The following GAS2 variants were observed in gnomAD, a reference collection of about 807,000 sequenced individuals.
The protein encoded by GAS2 is growth arrest-specific protein 2.
GAS2 carries 20 observed loss-of-function variants against 37.5 expected under a neutral mutation model. The observed-to-expected ratio is 0.53, with a 90% CI of 0.37 to 0.77. GAS2 has a LOEUF of 0.77. GAS2 is among the 30% of genes least tolerant of loss of function. GAS2 has a pLI of 0.00. For missense variants in GAS2, 336 were observed against 373.4 expected, an observed-to-expected ratio of 0.90 and a Z score of 0.82; for synonymous variants, 144 against 132.2, an observed-to-expected ratio of 1.09 and a Z score of -0.61.
chr11:22,685,143 G>T (rs553368145), intron 2 of GAS2, among the ~76,000 whole-genome samples: 3 of 146,656 alleles, frequency 2.0e-5, no homozygotes, highest in Non-Finnish European at 4.4e-5. Context: ...TCCAGATTGC[G>T]TGACAGAGTA....
intron 3 of GAS2, among the ~76,000 whole-genome samples, chr11:22,689,466 A>G (rs1198522281): frequency 6.6e-6 from 1 of 152,184 alleles, no homozygotes; most frequent in African/African-American, 2.4e-5. Flanking sequence ...CTTGTGCCTT[A>G]CTGTATGAAA....
chr11:22,811,298 A>G (rs1359064987), intron 7 of GAS2, among the ~76,000 whole-genome samples: 1 of 152,210 alleles, frequency 6.6e-6, no homozygotes, highest in East Asian at 1.9e-4. Flanking sequence ...ATGACTGGGG[A>G]AAACTCCAAT....
At chr11:22,674,645 A>T in intron 1 of GAS2, 2 of 345,766 alleles carry the variant, frequency 5.8e-6, no homozygotes, top group Non-Finnish European at 1.0e-5. Context: ...TTGACCTTTG[A>T]TTGCTGCTGT....
intron 7 of GAS2, among the ~76,000 whole-genome samples, chr11:22,768,921 G>T (rs1030656917): frequency 6.6e-6 from 1 of 152,146 alleles, no homozygotes; most frequent in Non-Finnish European, 1.5e-5. Flanking sequence ...ACCATGACAT[G>T]CAGACAAAGT....
chr11:22,652,249 G>T (rs958944817), intron 1 of GAS2, among the ~76,000 whole-genome samples: 1 of 152,312 alleles, frequency 6.6e-6, no homozygotes, highest in African/African-American at 2.4e-5. Context: ...AGGGGGTCAG[G>T]GACCCACTTG....
At chr11:22,689,367 G>A (rs1373172402) in intron 3 of GAS2, among the ~76,000 whole-genome samples, 1 of 152,110 alleles carries the variant, frequency 6.6e-6, no homozygotes, top group Non-Finnish European at 1.5e-5. Flanking sequence ...TGACACAGTT[G>A]CTCTTGACTG....
At chr11:22,760,848 A>C (rs995649939) in intron 7 of GAS2, among the ~76,000 whole-genome samples, 9 of 152,210 alleles carry the variant, frequency 5.9e-5, no homozygotes, top group African/African-American at 2.4e-5. Context: ...AAACAGATAC[A>C]GTTAAAAATT....
intron 7 of GAS2, among the ~76,000 whole-genome samples, chr11:22,778,327 T>A (rs1164797795): frequency 6.6e-6 from 1 of 152,130 alleles, no homozygotes; most frequent in Non-Finnish European, 1.5e-5. Flanking sequence ...GGGAATAGGG[T>A]GGTGAATGAG....
upstream of GAS2, among the ~76,000 whole-genome samples, chr11:22,666,048 A>T (rs917554127): frequency 6.6e-6 from 1 of 152,276 alleles, no homozygotes; most frequent in East Asian, 1.9e-4. Flanking sequence ...GTCCCCGCGC[A>T]TTAGAGGTGA....
At chr11:22,651,623 T>C (rs1848776867) in intron 1 of GAS2, among the ~76,000 whole-genome samples, 2 of 152,168 alleles carry the variant, frequency 1.3e-5, no homozygotes, top group Non-Finnish European at 2.9e-5. Context: ...CATTTCTTTT[T>C]ATTCTTTTTT....
intron 1 of GAS2, among the ~76,000 whole-genome samples, chr11:22,643,125 GC>G (rs1424100495): frequency 1.5e-4 from 23 of 151,788 alleles, no homozygotes; most frequent in African/African-American, 5.3e-4. Flanking sequence ...AGTATAAAAA[GC>G]CTCCAGCTTT....
intron 1 of GAS2, among the ~76,000 whole-genome samples, chr11:22,649,469 T>C (rs890079068): frequency 6.6e-6 from 1 of 152,240 alleles, no homozygotes; most frequent in African/African-American, 2.4e-5. Context: ...TTTCTATTGA[T>C]TGGAATAGTT....
intron 1 of GAS2, among the ~76,000 whole-genome samples, chr11:22,637,052 A>G (rs1235926640): frequency 7.5e-6 from 1 of 134,114 alleles, no homozygotes; most frequent in Non-Finnish European, 1.5e-5. Flanking sequence ...TATAATTGAT[A>G]TAATATTATT....
chr11:22,683,453 G>A (rs1486812075), intron 2 of GAS2, among the ~76,000 whole-genome samples: 2 of 151,926 alleles, frequency 1.3e-5, no homozygotes, highest in South Asian at 2.1e-4. Context: ...TTTAGTAGAG[G>A]CAGGGTTTCA....
intron 7 of GAS2, among the ~76,000 whole-genome samples, chr11:22,756,978 T>C (rs1400579371): frequency 6.6e-6 from 1 of 152,130 alleles, no homozygotes; most frequent in Non-Finnish European, 1.5e-5. Context: ...ATAATAGTGA[T>C]CTAGAATCTC....
intron 2 of GAS2, among the ~76,000 whole-genome samples, chr11:22,678,185 T>G (rs575482990): frequency 7.9e-5 from 12 of 152,208 alleles, no homozygotes; most frequent in African/African-American, 2.9e-4. Flanking sequence ...TACTAATAAC[T>G]TGAGATTATT....
chr11:22,721,909 T>G (rs1208783581), intron 3 of GAS2, among the ~76,000 whole-genome samples: 1 of 152,016 alleles, frequency 6.6e-6, no homozygotes, highest in East Asian at 1.9e-4. Context: ...TCAGTATTTT[T>G]TACTTGCATT....
chr11:22,805,560 C>T (rs1313036323), intron 7 of GAS2, among the ~76,000 whole-genome samples: 1 of 152,094 alleles, frequency 6.6e-6, no homozygotes, highest in East Asian at 1.9e-4. Flanking sequence ...CTTCTAGTAA[C>T]CACCATTCTT....
At chr11:22,790,900 T>A (rs553252553) in intron 7 of GAS2, among the ~76,000 whole-genome samples, 1 of 152,102 alleles carries the variant, frequency 6.6e-6, no homozygotes, top group African/African-American at 2.4e-5. Context: ...AGAAGACCTG[T>A]TTTTTGCTTC....
Sources: gnomAD v4.1 joint callset for allele counts (sites outside exome capture counted in the v4.1 genomes callset) on GRCh38, gnomAD v4.1.1 for gene constraint, MANE v1.5 for transcripts, NCBI Gene and HGNC (gene_info 2026-07-23, HGNC 2026-07-21) for gene names.